The following SPMAP2L variants were observed in gnomAD, a reference collection of about 807,000 sequenced individuals.
SPMAP2L encodes the protein sperm microtubule associated protein 2 like.
At chr4:56,559,953 AATTAGGGATTCT>A in the SPMAP2L span, among the ~76,000 whole-genome samples, 1 of 152,196 alleles carries the variant, frequency 6.6e-6, no homozygotes, top group African/African-American at 2.4e-5. Context: ...ATTCATTGAG[AATTAGGGATTCT>A]ATATCTGTTT....
At chr4:56,595,574 A>G in the SPMAP2L span, 16 of 1,378,784 alleles carry the variant, frequency 1.2e-5, no homozygotes, top group Middle Eastern at 1.8e-4. Flanking sequence ...CAGCATTCCC[A>G]CTCCCCTTCG....
the SPMAP2L span, among the ~76,000 whole-genome samples, chr4:56,590,327 A>G: frequency 6.6e-6 from 1 of 152,196 alleles, no homozygotes; most frequent in African/African-American, 2.4e-5. Context: ...CATGTGTTAA[A>G]CCATTCCTGC....
chr4:56,580,074 C>T, the SPMAP2L span, among the ~76,000 whole-genome samples: 3 of 152,114 alleles, frequency 2.0e-5, no homozygotes, highest in Non-Finnish European at 4.4e-5. Context: ...TCTATGAGGA[C>T]TTGTATTATC....
the SPMAP2L span, among the ~76,000 whole-genome samples, chr4:56,533,833 C>A: frequency 6.6e-6 from 1 of 151,782 alleles, no homozygotes; most frequent in Non-Finnish European, 1.5e-5. Flanking sequence ...ATACCTGTAG[C>A]CCCAGTTACT....
the SPMAP2L span, among the ~76,000 whole-genome samples, chr4:56,537,697 C>CTTT: frequency 6.9e-6 from 1 of 145,492 alleles, no homozygotes. Context: ...CTTTTCTTTT[C>CTTT]TTTTTTTTTT....
At chr4:56,539,409 T>A in the SPMAP2L span, among the ~76,000 whole-genome samples, 3 of 152,158 alleles carry the variant, frequency 2.0e-5, no homozygotes, top group South Asian at 6.2e-4. Flanking sequence ...AACAATAACC[T>A]CTTTTTATTT....
At chr4:56,618,677 A>T in the SPMAP2L span, among the ~76,000 whole-genome samples, 1 of 152,176 alleles carries the variant, frequency 6.6e-6, no homozygotes, top group Non-Finnish European at 1.5e-5. Context: ...CTCCCACCAC[A>T]CAGGGGGATT....
the SPMAP2L span, among the ~76,000 whole-genome samples, chr4:56,583,363 G>A: frequency 6.6e-6 from 1 of 152,070 alleles, no homozygotes; most frequent in Non-Finnish European, 1.5e-5. Context: ...TAGATTAGTG[G>A]TTCCCAGGAT....
chr4:56,591,540 C>T, the SPMAP2L span, among the ~76,000 whole-genome samples: 2 of 151,948 alleles, frequency 1.3e-5, no homozygotes, highest in Non-Finnish European at 2.9e-5. Context: ...TTGACTAATA[C>T]ACAAGACTAA....
At chr4:56,572,421 T>G in the SPMAP2L span, among the ~76,000 whole-genome samples, 5 of 152,196 alleles carry the variant, frequency 3.3e-5, no homozygotes, top group Admixed American at 3.3e-4. Context: ...TATTTTACAT[T>G]TGGTATTCTC....
the SPMAP2L span, among the ~76,000 whole-genome samples, chr4:56,577,394 CA>C: frequency 6.6e-6 from 1 of 151,964 alleles, no homozygotes; most frequent in Non-Finnish European, 1.5e-5. Flanking sequence ...TCACACCAGC[CA>C]AAAAAGATCT....
chr4:56,543,238 C>T, the SPMAP2L span, among the ~76,000 whole-genome samples: 3 of 152,032 alleles, frequency 2.0e-5, no homozygotes, highest in South Asian at 2.1e-4. Context: ...CGCCCGCCAC[C>T]ACACCAGGCT....
the SPMAP2L span, among the ~76,000 whole-genome samples, chr4:56,543,093 T>C: frequency 2.3e-4 from 34 of 150,782 alleles, no homozygotes; most frequent in Non-Finnish European, 4.0e-4. Context: ...TTTGTGTTTA[T>C]GTTTTGCTTT....
the SPMAP2L span, among the ~76,000 whole-genome samples, chr4:56,552,985 A>T: frequency 6.6e-6 from 1 of 152,056 alleles, no homozygotes; most frequent in Non-Finnish European, 1.5e-5. Context: ...GCATTCTCCA[A>T]GTCCAGCTTT....
the SPMAP2L span, chr4:56,593,979 A>G: frequency 6.2e-7 from 1 of 1,609,962 alleles, no homozygotes; most frequent in Non-Finnish European, 8.5e-7. Flanking sequence ...TTGAAGATTC[A>G]GTGTGGCTGC....
At chr4:56,554,186 T>G in the SPMAP2L span, among the ~76,000 whole-genome samples, 1 of 152,214 alleles carries the variant, frequency 6.6e-6, no homozygotes, top group Non-Finnish European at 1.5e-5. Flanking sequence ...TTTTGGTATA[T>G]TTAAGTTTTT....
chr4:56,580,324 A>G, the SPMAP2L span, among the ~76,000 whole-genome samples: 1 of 152,182 alleles, frequency 6.6e-6, no homozygotes. Flanking sequence ...AGTGCAAAAT[A>G]CAAAAATCAA....
At chr4:56,573,798 T>C in the SPMAP2L span, among the ~76,000 whole-genome samples, 1 of 151,836 alleles carries the variant, frequency 6.6e-6, no homozygotes, top group African/African-American at 2.4e-5. Flanking sequence ...TCAAAAGATA[T>C]GTGTGGTGGT....
chr4:56,611,917 C>G, the SPMAP2L span, among the ~76,000 whole-genome samples: 1 of 152,336 alleles, frequency 6.6e-6, no homozygotes, highest in African/African-American at 2.4e-5. Context: ...CCTCCCCACA[C>G]CCCTGCTGCT....
Sources: gnomAD v4.1 joint callset for allele counts (sites outside exome capture counted in the v4.1 genomes callset) on GRCh38, gnomAD v4.1.1 for gene constraint, MANE v1.5 for transcripts, NCBI Gene and HGNC (gene_info 2026-07-23, HGNC 2026-07-21) for gene names.